MAP7D2: variants seen among roughly 807,000 people sequenced by gnomAD.
MAP7D2 encodes MAP7 domain containing 2.
Under a neutral mutation model 63.5 loss-of-function variants are expected in MAP7D2, and 33 were observed. The ratio of observed to expected loss-of-function variants is 0.52; its 90% confidence interval spans 0.39 to 0.70. The LOEUF is 0.70. Ranked by LOEUF, MAP7D2 falls within the 30% of genes least tolerant of loss-of-function variation. MAP7D2 has a pLI of 0.00. For synonymous variants in MAP7D2, 224 were observed against 223.7 expected (o/e 1.00, Z -0.01); for missense variants, 626 against 604.0 (o/e 1.04, Z -0.38).
At chrX:20,063,651 G>A (rs2065277667) in intron 2 of MAP7D2, 74 bp from the exon 3 acceptor site, 1 of 1,088,974 alleles carries the variant, frequency 9.2e-7, no homozygotes, top group Admixed American at 2.4e-5. Flanking sequence ...CCAAAAACAA[G>A]GAAGCAAGAG....
intron 8 of MAP7D2, among the ~76,000 whole-genome samples, chrX:20,027,794 G>GAGAGAC (rs1269076396): frequency 9.4e-6 from 1 of 106,861 alleles, no homozygotes; most frequent in African/African-American, 3.4e-5. Context: ...GAGAGAGACA[G>GAGAGAC]AGACAGACAG....
At chrX:20,061,412 T>G (rs1281804881) in intron 3 of MAP7D2, among the ~76,000 whole-genome samples, 1 of 112,077 alleles carries the variant, frequency 8.9e-6, no homozygotes, top group Non-Finnish European at 1.9e-5. Context: ...CTGGGTCCCC[T>G]GGGACCCTGA....
intron 3 of MAP7D2, 132 bp from the exon 4 acceptor site, chrX:20,056,923 C>T (rs759775101): frequency 3.8e-6 from 2 of 523,737 alleles, no homozygotes; most frequent in South Asian, 3.0e-5. Context: ...CCCAGGCATA[C>T]GTGCTCTCTC....
intron 14 of MAP7D2, among the ~76,000 whole-genome samples, chrX:20,012,751 G>C (rs928559590): frequency 8.9e-6 from 1 of 112,204 alleles, no homozygotes; most frequent in Non-Finnish European, 1.9e-5. Context: ...CTCTGGAGAA[G>C]AGCAGAGTCA....
intron 13 of MAP7D2, 146 bp from the exon 14 acceptor site, chrX:20,013,278 C>G: frequency 2.1e-6 from 1 of 487,618 alleles, no homozygotes; most frequent in Non-Finnish European, 3.5e-6. Flanking sequence ...CTGTGTTTCC[C>G]TTATTCTTAC....
chrX:20,031,766 CA>C (rs1332223762), intron 8 of MAP7D2, among the ~76,000 whole-genome samples: 1 of 111,544 alleles, frequency 9.0e-6, no homozygotes, highest in Non-Finnish European at 1.9e-5. Flanking sequence ...GAGTCTGTCT[CA>C]AAAAAACCCA....
At chrX:20,038,454 T>C (rs904643997) in intron 8 of MAP7D2, among the ~76,000 whole-genome samples, 4 of 111,720 alleles carry the variant, frequency 3.6e-5, no homozygotes, top group Non-Finnish European at 7.5e-5. Flanking sequence ...AAGTCACAAT[T>C]ACAATGCCAA....
intron 10 of MAP7D2, among the ~76,000 whole-genome samples, chrX:20,017,913 T>C (rs2073462362): frequency 9.0e-6 from 1 of 110,665 alleles, no homozygotes; most frequent in South Asian, 3.9e-4. Context: ...ATGTATAAGC[T>C]ACTTCATAAA....
chrX:20,115,981 A>G (rs1430034005), intron 1 of MAP7D2, among the ~76,000 whole-genome samples: 1 of 112,908 alleles, frequency 8.9e-6, no homozygotes, highest in Non-Finnish European at 1.9e-5. Flanking sequence ...GAACGTTAGC[A>G]TCAGACCTGC....
At chrX:20,068,166 T>C (rs2065407251) in intron 1 of MAP7D2, among the ~76,000 whole-genome samples, 1 of 112,327 alleles carries the variant, frequency 8.9e-6, no homozygotes, top group South Asian at 3.7e-4. Flanking sequence ...TCTGTGTTCA[T>C]TTGGTAGCCA....
chrX:20,116,354 G>A (rs1049159455), intron 1 of MAP7D2, among the ~76,000 whole-genome samples: 6 of 112,711 alleles, frequency 5.3e-5, no homozygotes, highest in African/African-American at 1.3e-4. Flanking sequence ...CCAGAACGCA[G>A]AGAGAGCGCG....
At chrX:20,096,257 T>A (rs1351059734) in intron 1 of MAP7D2, among the ~76,000 whole-genome samples, 1 of 99,192 alleles carries the variant, frequency 1.0e-5, no homozygotes, top group Non-Finnish European at 2.0e-5. Flanking sequence ...GGAGACCCTG[T>A]CCTTTTTTTT....
chrX:20,042,676 C>T, intron 7 of MAP7D2, 47 bp from the exon 8 acceptor site: 1 of 1,196,815 alleles, frequency 8.4e-7, no homozygotes, highest in South Asian at 1.8e-5. Context: ...GCACTACTTC[C>T]ACAATTTATA....
intron 1 of MAP7D2, among the ~76,000 whole-genome samples, chrX:20,066,409 C>T (rs900444000): frequency 2.7e-5 from 3 of 111,545 alleles, no homozygotes; most frequent in Admixed American, 1.9e-4. Flanking sequence ...AGGGGGATGG[C>T]GTGACAAACA....
intron 9 of MAP7D2, among the ~76,000 whole-genome samples, 173 bp from the exon 10 acceptor site, chrX:20,025,256 C>T (rs1461201453): frequency 8.9e-6 from 1 of 112,370 alleles, no homozygotes; most frequent in Non-Finnish European, 1.9e-5. Context: ...CTGTCATGGG[C>T]TGGCTGGAAC....
chrX:20,011,400 G>A (rs1403813699), intron 15 of MAP7D2, among the ~76,000 whole-genome samples: 1 of 112,342 alleles, frequency 8.9e-6, no homozygotes, highest in Non-Finnish European at 1.9e-5. Flanking sequence ...GGGACATTCA[G>A]ACAGAAAGCC....
Position 20,089,931 on chromosome X carries a change from T to A in MAP7D2, c.131-25126A>T, listed in dbSNP as rs772113070. Among the ~76,000 whole-genome samples the A allele has an allele frequency of 8.1e-5, 9 of 111,027 alleles. No homozygotes were observed. In the East Asian group the frequency reaches 1.4e-3, roughly 17 times the overall value. ...AAGTTCACCCATTTTAAGTGACCAC[T>A]GTGAATTTATATAGCCTTGCAGCTA... On this transcript the variant is annotated intron_variant, in intron 1 of 16. Transcript: ENST00000379643.
chrX:20,103,854 C>A (rs1189810486), intron 1 of MAP7D2, among the ~76,000 whole-genome samples: 1 of 111,016 alleles, frequency 9.0e-6, no homozygotes, highest in African/African-American at 3.3e-5. Flanking sequence ...GAATTAAGAG[C>A]CATTTGCTCT....
chrX:20,079,807 G>C (rs1285350722), intron 1 of MAP7D2, among the ~76,000 whole-genome samples: 1 of 111,177 alleles, frequency 9.0e-6, no homozygotes, highest in Non-Finnish European at 1.9e-5. Flanking sequence ...AGTTGGGGCA[G>C]ATGACCACTG....
Sources: allele counts gnomAD v4.1 joint callset (sites outside exome capture counted in the v4.1 genomes callset), GRCh38; gene constraint gnomAD v4.1.1; transcripts MANE v1.5; gene names NCBI Gene and HGNC (gene_info 2026-07-23, HGNC 2026-07-21).